The following DET1 variants were observed in gnomAD, a reference collection of about 807,000 sequenced individuals.
DET1 encodes the protein DET1 homolog.
A neutral mutation model predicts 43.7 loss-of-function variants in DET1; 22 were observed. That is an observed-to-expected ratio of 0.50 (90% confidence interval 0.36 to 0.72). The LOEUF is 0.72. Ranked by LOEUF, DET1 falls within the 30% of genes least tolerant of loss-of-function variation. The pLI is 0.00. For missense variants in DET1, 713 were observed against 713.3 expected, an observed-to-expected ratio of 1.00 and a Z score of 0.00; for synonymous variants, 315 against 266.2, an observed-to-expected ratio of 1.18 and a Z score of -1.79.
At chr15:88,529,739 T>C (rs2056763171) in intron 2 of DET1, among the ~76,000 whole-genome samples, 1 of 152,206 alleles carries the variant, frequency 6.6e-6, no homozygotes, top group African/African-American at 2.4e-5. Context: ...AAGGAGACAA[T>C]CTGCAAACAG....
intron 3 of DET1, among the ~76,000 whole-genome samples, chr15:88,523,155 C>T (rs991463837): frequency 6.6e-6 from 1 of 152,136 alleles, no homozygotes; most frequent in African/African-American, 2.4e-5. Flanking sequence ...GGATAAAAGG[C>T]ATAAGCCACC....
intron 1 of DET1, among the ~76,000 whole-genome samples, chr15:88,534,556 G>A (rs1356709532): frequency 6.6e-6 from 1 of 152,166 alleles, no homozygotes; most frequent in Non-Finnish European, 1.5e-5. Flanking sequence ...ATATCAGATG[G>A]GGAGGAGCTC....
At chr15:88,517,148 A>G (rs1294892206) in intron 3 of DET1, among the ~76,000 whole-genome samples, 175 bp from the exon 4 acceptor site, 1 of 152,194 alleles carries the variant, frequency 6.6e-6, no homozygotes, top group African/African-American at 2.4e-5. Context: ...GCCAGCTACA[A>G]ATACTTTTAA....
intron 4 of DET1, among the ~76,000 whole-genome samples, chr15:88,514,449 C>G (rs1431310555): frequency 6.6e-6 from 1 of 152,076 alleles, no homozygotes; most frequent in Non-Finnish European, 1.5e-5. Context: ...GAATTTATAT[C>G]CTCAGAATTT....
downstream of DET1, chr15:88,511,417 T>C: frequency 1.0e-6 from 1 of 985,502 alleles, no homozygotes; most frequent in Non-Finnish European, 1.2e-6. Flanking sequence ...GCTGCAGCTG[T>C]ATTTGCTTAT....
At chr15:88,510,771 G>GT (rs72302105), downstream of DET1, among the ~76,000 whole-genome samples, 15,136 of 132,828 alleles carry the variant, frequency 0.11, 1,330 homozygotes, top group East Asian at 0.51. Flanking sequence ...TTTTTTTTTT[G>GT]TTTTTTTTTT....
intron 3 of DET1, among the ~76,000 whole-genome samples, chr15:88,526,302 A>C (rs2056661638): frequency 6.6e-6 from 1 of 152,230 alleles, no homozygotes; most frequent in Non-Finnish European, 1.5e-5. Context: ...TTTGGACCTA[A>C]AACAGGTATT....
At chr15:88,522,390 A>T (rs1000102029) in intron 3 of DET1, among the ~76,000 whole-genome samples, 2 of 151,376 alleles carry the variant, frequency 1.3e-5, no homozygotes, top group African/African-American at 2.4e-5. Flanking sequence ...TTTTTTTTTT[A>T]AATGTTTCTC....
chr15:88,542,997 G>A (rs979024528), intron 1 of DET1, among the ~76,000 whole-genome samples: 15 of 152,194 alleles, frequency 9.9e-5, no homozygotes, highest in Non-Finnish European at 1.6e-4. Flanking sequence ...TGGGGTTTGC[G>A]GAGATTGCAA....
In DET1 at chr15:88,522,683, T is replaced by C. The variant is rs539234564; in HGVS notation, c.1271+4916A>G. ...GCCATCACACACGGCTAATTTTTTT[T>C]GTATTTTTTTTTATTTAGAAGAGAC... On this transcript the variant is annotated intron_variant, in intron 3 of 4. Transcript: ENST00000268148. 5.3e-5 allele frequency among the ~76,000 whole-genome samples: 8 copies of C among 151,524 alleles called. No individual in the cohort carries two copies. In the East Asian group the frequency reaches 1.6e-3, roughly 29 times the overall value.
intron 3 of DET1, among the ~76,000 whole-genome samples, chr15:88,524,950 A>T (rs1371158936): frequency 6.6e-6 from 1 of 152,204 alleles, no homozygotes; most frequent in Non-Finnish European, 1.5e-5. Context: ...ATCAATAAAT[A>T]CTATTAAAAA....
intron 1 of DET1, among the ~76,000 whole-genome samples, chr15:88,539,096 T>TCTCG (rs1441634378): frequency 7.5e-5 from 1 of 13,342 alleles, no homozygotes; most frequent in Non-Finnish European, 1.2e-4. Context: ...GGCAGACCGC[T>TCTCG]CTCTCTCTCT....
rs2056787291 is a variant in DET1, at chr15:88,530,709, T to G, written c.997A>C (p.Lys333Gln). The G allele has an allele frequency of 6.2e-7, 1 of 1,613,912 alleles. No individual in the cohort carries two copies. Among genetic ancestry groups the G allele is most frequent in the Non-Finnish European group, 8.5e-7 (1 of 1,179,894 alleles). The change falls in exon 2 of 5, where the codon AAA becomes CAA. Residue 333 changes from lysine (K) to glutamine (Q), a missense_variant. Transcript: ENST00000268148. ...TGGTTTTCATCCAGAAGCTGCATTT[T>G]CCACATTCGCAGCTGCCGCAGTTGG... ...FDQLRQLRMW[K>Q]MQLLDENHLF...
At chr15:88,534,397 C>T (rs2056894944) in intron 1 of DET1, among the ~76,000 whole-genome samples, 1 of 152,206 alleles carries the variant, frequency 6.6e-6, no homozygotes, top group African/African-American at 2.4e-5. Flanking sequence ...TAAAGTACCA[C>T]TGAATGGGCA....
intron 3 of DET1, among the ~76,000 whole-genome samples, chr15:88,523,342 G>A (rs370656447): frequency 6.7e-4 from 102 of 152,074 alleles, no homozygotes; most frequent in African/African-American, 2.3e-3. Flanking sequence ...AAAGATTGCT[G>A]GGAAAAGATT....
chr15:88,515,567 A>AAAAAAAAAAAAAAC (rs1567058371), intron 4 of DET1, among the ~76,000 whole-genome samples: 1 of 149,728 alleles, frequency 6.7e-6, no homozygotes, highest in Non-Finnish European at 1.5e-5. Flanking sequence ...AAAAAAAAAA[A>AAAAAAAAAAAAAAC]AGACCGAAGG....
Position 88,530,866 on chromosome 15 carries a change from C to T in DET1, c.840G>A (p.Gln280=). The T allele has an allele frequency of 2.5e-6, 4 of 1,613,998 alleles. No homozygotes were observed. Among genetic ancestry groups the T allele is most frequent in the Non-Finnish European group, 3.4e-6 (4 of 1,179,886 alleles). The change falls in exon 2 of 5, where the codon CAG becomes CAA. Residue 280 remains glutamine (Q), a synonymous_variant. Coordinates refer to ENST00000268148, the MANE Select transcript of DET1 (RefSeq NM_001144074.3). ...CCCTAAAGGGATTGGCCATGCCTGT[C>T]TGACTGTCCCGCTGTACCTCAGGGA... ...AVFPEVQRDS[Q]TGMANPFRDP... is the part of the protein sequence containing the mutation.
chr15:88,528,977 C>A (rs941342211), intron 2 of DET1, among the ~76,000 whole-genome samples: 3 of 152,084 alleles, frequency 2.0e-5, no homozygotes, highest in Non-Finnish European at 4.4e-5. Flanking sequence ...CTTATTGGAA[C>A]CTATCAAATT....
rs2056804566 is a variant in DET1 at position 88,531,214 on chromosome 15, A to G, written c.492T>C (p.Asp164=). ...CCTCAAAAAATGGAGGGTGAGGCTC[A>G]TCTGGGAGGTAGGCAGCTGAGCCCA... The part of the protein sequence containing the change: ...VIVGSAAYLP[D]EPHPPFFEVY... Residue 164 remains aspartate, a synonymous_variant, in exon 2 of 5, where the codon GAT becomes GAC. Transcript: ENST00000268148. This position sits in a 1 kb window ranked among gnomAD's most constrained non-coding sequence, Gnocchi z 6.2. 6.2e-7 allele frequency: 1 copy of G among 1,613,966 alleles called. No individual in the cohort carries two copies. The highest frequency in any genetic ancestry group is 1.3e-5 in the African/African-American group (1 of 75,048).
Sources: gnomAD v4.1 joint callset for allele counts (sites outside exome capture counted in the v4.1 genomes callset) on GRCh38, gnomAD v4.1.1 for gene constraint, Gnocchi (gnomAD v3.1) non-coding constraint, MANE v1.5 for transcripts, NCBI Gene and HGNC (gene_info 2026-07-23, HGNC 2026-07-21) for gene names.